The following ANO7 variants were observed in gnomAD, a reference collection of about 807,000 sequenced individuals.
The protein encoded by ANO7 is anoctamin 7, also known as anoctamin-7.
A neutral mutation model predicts 115.8 loss-of-function variants in ANO7; 114 were observed. The ratio of observed to expected loss-of-function variants is 0.98; its 90% confidence interval spans 0.85 to 1.15. The LOEUF is 1.15. ANO7 is among the 50% of genes most tolerant of loss of function. ANO7 has a pLI of 0.00. For synonymous variants in ANO7, 550 were observed against 498.2 expected, an observed-to-expected ratio of 1.10 and a Z score of -1.38; for missense variants, 1,302 against 1,201.2, an observed-to-expected ratio of 1.08 and a Z score of -1.24.
chr2:241,190,315 G>C (rs377407324), intron 2 of ANO7, 144 bp downstream of exon 2: 2 of 674,674 alleles, frequency 3.0e-6, no homozygotes, highest in African/African-American at 1.8e-5. Context: ...CCAAGCCCTC[G>C]CCACCCAGTC....
intron 11 of ANO7, 101 bp from the exon 12 acceptor site, chr2:241,209,184 T>C: frequency 7.7e-7 from 1 of 1,307,118 alleles, no homozygotes; most frequent in Non-Finnish European, 1.0e-6. Flanking sequence ...TCGGGGGATG[T>C]GTGTGGGATG....
chr2:241,192,240 G>T (rs573683292), intron 3 of ANO7, among the ~76,000 whole-genome samples: 1 of 152,186 alleles, frequency 6.6e-6, no homozygotes, highest in Non-Finnish European at 1.5e-5. Flanking sequence ...CAGGAGAATC[G>T]CTTGAACCCA....
downstream of ANO7, chr2:241,227,821 T>G (rs2069273629): frequency 6.6e-6 from 1 of 150,528 alleles, no homozygotes; most frequent in Admixed American, 6.6e-5. Context: ...GTGACAGCCC[T>G]TCCCCACTGG....
In ANO7 at chr2:241,201,337, C is replaced by T. The variant is rs377672810; in HGVS notation, c.594C>T (p.Ser198=). Residue 198 remains serine (S), a synonymous_variant, in exon 7 of 25, where the codon AGC becomes AGT. Transcript: ENST00000674324. ...ACAACCAGGACACCTTCTTCACAAG[C>T]ACCAAGAGGCACCAAATTGTGAGTG... ...GSDNQDTFFT[S]TKRHQILFEI... is the part of the protein sequence containing the mutation. 6 of 1,612,832 alleles carry T rather than the reference C, an allele frequency of 3.7e-6. No homozygotes were observed. The African/African-American group carries it at 6.7e-5, about 18-fold the overall frequency.
In ANO7 at chr2:241,189,001, G is replaced by A. The variant is rs11694278; in HGVS notation, c.-8+235G>A. 0.35 allele frequency among the ~76,000 whole-genome samples: 53,102 copies of A among 152,142 alleles called. 10,647 individuals carry two copies. Among genetic ancestry groups the A allele is most frequent in the Middle Eastern group, 0.53 (157 of 294 alleles). ...GGGTTGGCTTCCTGCCTGCCCAGGG[G>A]CTCCCCCATGGAGCAGGTCCCTTCG... On this transcript the variant is annotated intron_variant, in intron 1 of 24. Transcript: ENST00000674324.
At chr2:241,228,348 C>T (rs1559465135), downstream of ANO7, 1 of 152,380 alleles carries the variant, frequency 6.6e-6, no homozygotes, top group East Asian at 1.9e-4. Context: ...CTCTCGGCAT[C>T]CAGCGGCGTG....
In ANO7 at chr2:241,224,192, C is replaced by A; in HGVS notation, c.*39C>A. 6.2e-7 allele frequency: 1 copy of A among 1,606,754 alleles called. No individual in the cohort carries two copies. The highest frequency in any genetic ancestry group is 8.5e-7 in the Non-Finnish European group (1 of 1,174,286). On this transcript the variant is annotated 3_prime_UTR_variant, in exon 25 of 25. Transcript: ENST00000674324. ...ATCTGGTGGTCCTTAGGGGAGTGGC[C>A]CCTCCTGAGCCCTGCGAGCAGCGTC...
At position 241,218,332 on chromosome 2, in the gene ANO7, C is replaced by G; in HGVS notation, c.2272C>G (p.Leu758Val). Residue 758 changes from leucine (L) to valine (V), a missense_variant, in exon 21 of 25, where the codon CTG becomes GTG. By Grantham distance (32) the Leu-to-Val change is conservative. Coordinates refer to ENST00000674324, the MANE Select transcript of ANO7 (RefSeq NM_001370694.2). Reference protein sequence around the residue: ...HDLRGFLNFTLARAPSSFAAA... With the variant: ...HDLRGFLNFTVARAPSSFAAA... ...CCTGCGCGGCTTCCTCAACTTCACG[C>G]TGGCGCGAGCCCCGTCCTCCTTCGC... 6.6e-7 allele frequency: 1 copy of G among 1,504,780 alleles called. No homozygotes were observed. The highest frequency in any genetic ancestry group is 8.8e-7 in the Non-Finnish European group (1 of 1,132,992). 93.2% of individuals were successfully genotyped at this position (1,504,780 alleles called of 1,614,324 possible). A position where few individuals can be genotyped will look rare whatever the true frequency, so the allele number is the denominator to read the frequency against.
chr2:241,203,518 C>T lies in ANO7; in HGVS notation c.889+20C>T. The T allele has an allele frequency of 1.4e-6, 2 of 1,438,072 alleles. No homozygotes were observed. The highest frequency in any genetic ancestry group is 1.8e-6 in the Non-Finnish European group (2 of 1,090,520). The allele number at this position is 1,438,072 out of a possible 1,614,324, so 89.1% of individuals were successfully genotyped here. A position where few individuals can be genotyped will look rare whatever the true frequency, so the allele number is the denominator to read the frequency against. On this transcript the variant is annotated intron_variant, in intron 9 of 24. Coordinates refer to ENST00000674324, the MANE Select transcript of ANO7 (RefSeq NM_001370694.2). This position sits in a 1 kb window ranked among gnomAD's most constrained non-coding sequence, Gnocchi z 4.8. ...GGCTCGGTGAGTCCCCCCCGCTGCC[C>T]CCCAGACCACCTGGGCCCCCCCAGC... is the stretch of plus-strand genomic sequence containing the variant.
intron 8 of ANO7, among the ~76,000 whole-genome samples, chr2:241,202,746 G>A (rs1181443559): frequency 5.9e-5 from 9 of 152,216 alleles, no homozygotes; most frequent in Non-Finnish European, 1.3e-4. Flanking sequence ...GCCACTGTGG[G>A]GAGCAGAAGG....
At chr2:241,222,398 G>A (rs2149276313) in intron 21 of ANO7, among the ~76,000 whole-genome samples, 1 of 151,922 alleles carries the variant, frequency 6.6e-6, no homozygotes, top group East Asian at 1.9e-4. Context: ...TTGTCGTCTG[G>A]AACTCCCACT....
At chr2:241,215,804 T>G (rs1321826327) in intron 18 of ANO7, among the ~76,000 whole-genome samples, 1 of 152,166 alleles carries the variant, frequency 6.6e-6, no homozygotes. Context: ...GCTTTGCAAT[T>G]CCGGGAGGAG....
At chr2:241,238,531 A>G in the ANO7 span, 1 of 808,366 alleles carries the variant, frequency 1.2e-6, no homozygotes, top group South Asian at 2.8e-5. This position sits in a 1 kb window ranked among gnomAD's most constrained non-coding sequence, Gnocchi z 4.9. Context: ...CCCCCAGAAT[A>G]CATAGATGGT....
At chr2:241,236,983 G>T in the ANO7 span, among the ~76,000 whole-genome samples, 53 of 107,392 alleles carry the variant, frequency 4.9e-4, 3 homozygotes, top group Admixed American at 4.0e-3. Context: ...ACCTTGGGGG[G>T]GGGGGGGGGG....
At chr2:241,232,315 G>A in the ANO7 span, among the ~76,000 whole-genome samples, 6 of 147,934 alleles carry the variant, frequency 4.1e-5, no homozygotes, top group African/African-American at 1.0e-4. Flanking sequence ...TCACTCTGTC[G>A]CCCAGGCTGG....
At chr2:241,233,240 T>A in the ANO7 span, among the ~76,000 whole-genome samples, 1 of 152,014 alleles carries the variant, frequency 6.6e-6, no homozygotes, top group Non-Finnish European at 1.5e-5. This position sits in a 1 kb window ranked among gnomAD's most constrained non-coding sequence, Gnocchi z 4.3. Context: ...GGGTGTTGGG[T>A]GAGGCTGCCC....
chr2:241,203,209 C>A lies in ANO7; in HGVS notation c.724-124C>A. 3.2e-5 allele frequency: 21 copies of A among 657,828 alleles called. No homozygotes were observed. Among genetic ancestry groups the A allele is most frequent in the East Asian group, 1.1e-4 (3 of 27,244 alleles). The allele number at this position is 657,828 out of a possible 1,614,324, so 40.7% of individuals were successfully genotyped here. ...CCTCCACATTACTCTATTTTTTCTT[C>A]ATGGAGCAATCCCAGACTCCCAGGC... On this transcript the variant is annotated intron_variant, in intron 8 of 24. Transcript: ENST00000674324. This position sits in a 1 kb window ranked among gnomAD's most constrained non-coding sequence, Gnocchi z 4.8.
At chr2:241,230,225 G>A (rs773657570), downstream of ANO7, 4 of 1,612,396 alleles carry the variant, frequency 2.5e-6, no homozygotes, top group Admixed American at 3.3e-5. This position sits in a 1 kb window ranked among gnomAD's most constrained non-coding sequence, Gnocchi z 5.0. Context: ...TCACAGTGAC[G>A]CAGTTGGGGT....
chr2:241,196,157 G>A (rs2068323160), intron 4 of ANO7: 1 of 1,303,212 alleles, frequency 7.7e-7, no homozygotes. Context: ...TAAAGCTTTT[G>A]GGTAGGCGTG....
Sources: allele counts gnomAD v4.1 joint callset (sites outside exome capture counted in the v4.1 genomes callset), GRCh38; gene constraint gnomAD v4.1.1; non-coding constraint Gnocchi (gnomAD v3.1); transcripts MANE v1.5; gene names NCBI Gene and HGNC (gene_info 2026-07-23, HGNC 2026-07-21).